Variants in TTI2 observed in about 807,000 individuals in gnomAD.
The protein encoded by TTI2 is TELO2 interacting protein 2.
Under a neutral mutation model 44.9 loss-of-function variants are expected in TTI2, and 26 were observed. That is an observed-to-expected ratio of 0.58 (90% CI 0.42 to 0.80). The LOEUF is 0.80. Among genes scored for constraint, TTI2 ranks in the 30% least tolerant of loss-of-function variants. The probability of loss-of-function intolerance (pLI) is 0.00; values close to 1 mark genes in which losing one functional copy is unlikely to be tolerated. For synonymous variants in TTI2, 254 were observed against 250.9 expected, an observed-to-expected ratio of 1.01 and a Z score of -0.12; for missense variants, 582 against 611.6, an observed-to-expected ratio of 0.95 and a Z score of 0.51.
At position 33,512,439 on chromosome 8, in the gene TTI2, T is replaced by C. The variant is rs958624483; in HGVS notation, c.175A>G (p.Ile59Val). ...DAVLKDLGDL[I>V]EATEFDRLFE... is the part of the protein sequence containing the mutation. The stretch of plus-strand genomic sequence containing the variant: ...AACCTATCAAATTCTGTGGCTTCTA[T>C]TAGATCACCGAGGTCTTTAAGAACT... The change falls in exon 2 of 8, where the codon ATA becomes GTA. Residue 59 changes from isoleucine (I) to valine (V), a missense_variant. By Grantham distance (29) the Ile-to-Val change is conservative (BLOSUM62 3). Transcript: ENST00000431156. 1.5e-5 allele frequency: 25 copies of C among 1,613,968 alleles called. No individual in the cohort carries two copies. The highest frequency in any genetic ancestry group is 1.9e-5 in the Non-Finnish European group (22 of 1,179,964).
At chr8:33,508,122 C>T (rs1452991747) in intron 3 of TTI2, among the ~76,000 whole-genome samples, 21 of 44,038 alleles carry the variant, frequency 4.8e-4, no homozygotes, top group African/African-American at 1.4e-3. Flanking sequence ...AAAAAAAAGA[C>T]GAAAAATTTA....
chr8:33,510,271 T>C (rs763058586), intron 2 of TTI2, among the ~76,000 whole-genome samples: 1 of 152,132 alleles, frequency 6.6e-6, no homozygotes, highest in Admixed American at 6.5e-5. Flanking sequence ...ATTAGTAGTA[T>C]TACACTAAGG....
rs532363720 is a variant in TTI2 at position 33,507,505 on chromosome 8, T to A, written c.835-184A>T. On this transcript the variant is annotated intron_variant, in intron 3 of 7. Coordinates refer to ENST00000431156, the MANE Select transcript of TTI2 (RefSeq NM_001102401.4). ...TTCAGAAAGGGTGAGCTGACTTGTC[T>A]CTTTCTGCATGCAGCAAGTGATAAA... Among the ~76,000 whole-genome samples, 4 of 152,310 alleles carry A rather than the reference T, an allele frequency of 2.6e-5. No individual in the cohort carries two copies. The South Asian group carries it at 8.3e-4, about 32-fold the overall frequency.
Position 33,500,422 on chromosome 8 carries a change from G to A in TTI2, c.1328C>T (p.Pro443Leu). ...LKLICDVARD[P>L]NLTPESVKSA... ...CTTAACAGACTCAGGTGTAAGGTTT[G>A]GATCCCTTGCTACATCACAAATCAG... is the stretch of plus-strand genomic sequence containing the variant. The change falls in exon 7 of 8, where the codon CCA (proline) becomes CTA (leucine). Residue 443 changes from proline to leucine, a missense_variant. Transcript: ENST00000431156. The A allele has an allele frequency of 4.3e-6, 7 of 1,614,086 alleles. No homozygotes were observed. The highest frequency in any genetic ancestry group is 5.9e-6 in the Non-Finnish European group (7 of 1,180,016).
chr8:33,510,664 A>G (rs1809494034), intron 2 of TTI2, among the ~76,000 whole-genome samples: 1 of 152,194 alleles, frequency 6.6e-6, no homozygotes, highest in Non-Finnish European at 1.5e-5. Flanking sequence ...GGTGTCAGCC[A>G]CCACACTCCG....
At chr8:33,506,963 G>C (rs1255772193) in intron 4 of TTI2, among the ~76,000 whole-genome samples, 1 of 152,138 alleles carries the variant, frequency 6.6e-6, no homozygotes, top group African/African-American at 2.4e-5. Flanking sequence ...CCAAAGTGCT[G>C]GGATTACAGG....
In TTI2 at chr8:33,512,477, T is replaced by C. The variant is rs140677919; in HGVS notation, c.137A>G (p.Asn46Ser). 1,051 of 1,613,928 alleles carry C rather than the reference T, an allele frequency of 6.5e-4. 1 individual carries two copies. Among genetic ancestry groups the C allele is most frequent in the Non-Finnish European group, 6.9e-4 (813 of 1,179,954 alleles). ...GTCTTTAAGAACTGCATCTTTTACA[T>C]TGCCTCGTCGTGCCTCCGGGCGGGC... The part of the protein sequence containing the change: ...CLARPEARRG[N>S]VKDAVLKDLG... Residue 46 changes from asparagine to serine, a missense_variant, in exon 2 of 8, where the codon AAT becomes AGT. Asn to Ser is a conservative substitution (Grantham distance 46). Coordinates refer to ENST00000431156, the MANE Select transcript of TTI2 (RefSeq NM_001102401.4).
intron 6 of TTI2, among the ~76,000 whole-genome samples, chr8:33,502,782 C>T (rs1254718663): frequency 3.3e-5 from 5 of 151,934 alleles, no homozygotes; most frequent in Admixed American, 2.6e-4. Context: ...GCTGAGATCG[C>T]GCCATTGCAC....
In TTI2 at chr8:33,505,526, G is replaced by A. The variant is rs976800244; in HGVS notation, c.928-1591C>T. ...TTTTTTGAGATGTAGTTTCACTCTC[G>A]TTGCCCAGGCTGGAGGGCAATGGCA... On this transcript the variant is annotated intron_variant, in intron 4 of 7. Coordinates refer to ENST00000431156, the MANE Select transcript of TTI2 (RefSeq NM_001102401.4). 2.0e-5 allele frequency among the ~76,000 whole-genome samples: 3 copies of A among 148,026 alleles called. 1 individual carries two copies. Among genetic ancestry groups the A allele is most frequent in the South Asian group, 4.2e-4 (2 of 4,728 alleles).
chr8:33,505,425 A>G (rs1241910509), intron 4 of TTI2, among the ~76,000 whole-genome samples: 1 of 152,078 alleles, frequency 6.6e-6, no homozygotes, highest in Non-Finnish European at 1.5e-5. Context: ...CCTCCTTCCC[A>G]AAACCTCCTA....
intron 3 of TTI2, among the ~76,000 whole-genome samples, chr8:33,507,988 C>CAA (rs35037238): frequency 2.1e-5 from 2 of 93,862 alleles, no homozygotes; most frequent in African/African-American, 4.1e-5. Context: ...GACCCTGTCT[C>CAA]AAAAAAAAAA....
chr8:33,503,606 A>C (rs1161891065), intron 5 of TTI2, 34 bp from the exon 6 acceptor site: 4 of 1,612,280 alleles, frequency 2.5e-6, no homozygotes, highest in Non-Finnish European at 3.4e-6. Context: ...ACGCCAGTGC[A>C]GTGGCTCATG....
At chr8:33,503,622 A>T in intron 5 of TTI2, 50 bp from the exon 6 acceptor site, 1 of 1,611,078 alleles carries the variant, frequency 6.2e-7, no homozygotes, top group Non-Finnish European at 8.5e-7. Context: ...TCATGCCTGT[A>T]ATCCCAGTAC....
intron 3 of TTI2, among the ~76,000 whole-genome samples, chr8:33,508,473 T>C (rs1809385401): frequency 6.6e-6 from 1 of 151,864 alleles, no homozygotes; most frequent in Non-Finnish European, 1.5e-5. Context: ...TAGCTGAGCA[T>C]GGTGGTGCGT....
chr8:33,500,081 G>T lies in TTI2; in HGVS notation c.1422+247C>A. On this transcript the variant is annotated intron_variant, in intron 7 of 7. Coordinates refer to ENST00000431156, the MANE Select transcript of TTI2 (RefSeq NM_001102401.4). The stretch of plus-strand genomic sequence containing the variant: ...ATAATGCTTTTGCCCATACTGTCTC[G>T]TCCTTAGCCCCAGTGACATGTGCTG... 1 of 410,070 alleles carries T rather than the reference G, an allele frequency of 2.4e-6. No homozygotes were observed. The highest frequency in any genetic ancestry group is 4.5e-5 in the East Asian group (1 of 22,412). 25.4% of individuals were successfully genotyped at this position (410,070 alleles called of 1,614,324 possible). A position where few individuals can be genotyped will look rare whatever the true frequency, so the allele number is the denominator to read the frequency against.
intron 7 of TTI2, 158 bp downstream of exon 7, chr8:33,500,170 C>G (rs943193100): frequency 5.4e-6 from 4 of 736,586 alleles, no homozygotes; most frequent in African/African-American, 1.8e-5. Context: ...GAAAAAAGAT[C>G]AAGCTCTTTT....
chr8:33,510,385 T>G (rs1024309466), intron 2 of TTI2, among the ~76,000 whole-genome samples: 6 of 152,202 alleles, frequency 3.9e-5, no homozygotes, highest in African/African-American at 1.2e-4. Flanking sequence ...AGGTACATTA[T>G]ATTTATTTTG....
In TTI2 at chr8:33,503,577, A is replaced by G; in HGVS notation, c.1116-5T>C. ...CGGACAGTTAGGATCCCCAACCTAA[A>G]GATGAAAGAGAAAATATGACGCCAG... On this transcript the variant is annotated splice_polypyrimidine_tract_variant and splice_region_variant and intron_variant, in intron 5 of 7. Coordinates refer to ENST00000431156, the MANE Select transcript of TTI2 (RefSeq NM_001102401.4). The G allele has an allele frequency of 1.9e-6, 3 of 1,613,856 alleles. No individual in the cohort carries two copies. The highest frequency in any genetic ancestry group is 2.5e-6 in the Non-Finnish European group (3 of 1,180,038).
chr8:33,502,293 A>G (rs1809111775), intron 6 of TTI2, among the ~76,000 whole-genome samples: 1 of 152,202 alleles, frequency 6.6e-6, no homozygotes, highest in Non-Finnish European at 1.5e-5. Context: ...ATGATGTGCT[A>G]TGAAGTACTC....
Sources: allele counts gnomAD v4.1 joint callset (sites outside exome capture counted in the v4.1 genomes callset), GRCh38; gene constraint gnomAD v4.1.1; transcripts MANE v1.5; gene names NCBI Gene and HGNC (gene_info 2026-07-23, HGNC 2026-07-21).